Variants in MGST1 observed in about 807,000 individuals in gnomAD.
MGST1 encodes glutathione S-transferase 12.
Under a neutral mutation model 8.9 loss-of-function variants are expected in MGST1, and 5 were observed. The observed-to-expected ratio is 0.56, with a 90% CI of 0.29 to 1.19. The LOEUF is 1.19. MGST1 is among the 50% of genes most tolerant of loss of function. The pLI is 0.08. For missense variants in MGST1, 182 were observed against 187.4 expected (o/e 0.97, Z 0.17); for synonymous variants, 54 against 67.8 (o/e 0.80, Z 1.00).
At chr12:16,551,941 C>A (rs891509294) in intron 4 of MGST1, among the ~76,000 whole-genome samples, 2 of 151,924 alleles carry the variant, frequency 1.3e-5, no homozygotes, top group Non-Finnish European at 2.9e-5. Flanking sequence ...GGCAAGTTCA[C>A]CAACATGAAA....
chr12:16,442,981 A>C (rs927268014), downstream of MGST1, among the ~76,000 whole-genome samples: 1 of 151,834 alleles, frequency 6.6e-6, no homozygotes, highest in African/African-American at 2.4e-5. This position sits in a 1 kb window ranked among gnomAD's most constrained non-coding sequence, Gnocchi z 4.5. Flanking sequence ...TCCAATTGTA[A>C]CTGCATATAT....
At position 16,560,523 on chromosome 12, in the gene MGST1, C is replaced by G. The variant is rs754368865; in HGVS notation, n.483-29005C>G. 6.2e-7 allele frequency: 1 copy of G among 1,611,606 alleles called. No individual in the cohort carries two copies. The highest frequency in any genetic ancestry group is 8.5e-7 in the Non-Finnish European group (1 of 1,179,264). On this transcript the variant is annotated intron_variant and non_coding_transcript_variant, in intron 4 of 4. Coordinates refer to the MGST1 transcript ENST00000538857. This position sits in a 1 kb window ranked among gnomAD's most constrained non-coding sequence, Gnocchi z 5.0. ...GCTTACTACAGGCAGCGCAGTTTCC[C>G]GTTACACCAAAGAGCCTAGAATAAG... is the stretch of plus-strand genomic sequence containing the variant.
intron 3 of MGST1, among the ~76,000 whole-genome samples, chr12:16,375,458 A>G (rs537553920): frequency 6.9e-4 from 105 of 152,294 alleles, no homozygotes; most frequent in African/African-American, 2.5e-3. Flanking sequence ...CAAAGGAACT[A>G]TCCGAAGTGG....
rs36054419 is a variant in MGST1 at position 16,432,679 on chromosome 12, GACACACACACACAC to G, written n.779-4669_779-4656del. Among the ~76,000 whole-genome samples, 1,100 of 124,390 alleles carry G rather than the reference GACACACACACACAC, an allele frequency of 8.8e-3. 5 individuals carry two copies. The highest frequency in any genetic ancestry group is 0.017 in the Middle Eastern group (4 of 238). The allele number at this position is 124,390 out of a possible 152,430, so 81.6% of individuals were successfully genotyped here. A position where few individuals can be genotyped will look rare whatever the true frequency, so the allele number is the denominator to read the frequency against. On this transcript the variant is annotated intron_variant and non_coding_transcript_variant, in intron 1 of 1. Coordinates refer to the MGST1 transcript ENST00000359720. ...TCGCAAATCTCTCCTCTCTCTCTCT[GACACACACACACAC>G]ACACACACACACACACACACACACA...
At chr12:16,453,939 G>A (rs1340591097) in intron 4 of MGST1, among the ~76,000 whole-genome samples, 1 of 151,942 alleles carries the variant, frequency 6.6e-6, no homozygotes, top group Non-Finnish European at 1.5e-5. Context: ...TCTGACATGA[G>A]AGTTAGGACT....
chr12:16,585,323 G>T lies in MGST1; in HGVS notation n.483-4205G>T, dbSNP rs1186030687. Among the ~76,000 whole-genome samples the T allele has an allele frequency of 6.6e-6, 1 of 152,066 alleles. No individual in the cohort carries two copies. Among genetic ancestry groups the T allele is most frequent in the African/African-American group, 2.4e-5 (1 of 41,396 alleles). ...ATTACTGCTTCAAGAAAAAGGATTT[G>T]CATATTTGTGTATATATTTTTAAAA... On this transcript the variant is annotated intron_variant and non_coding_transcript_variant, in intron 4 of 4. Transcript: ENST00000538857. The surrounding 1 kb of genome is among the most constrained non-coding windows in gnomAD (Gnocchi z 4.7).
intron 4 of MGST1, among the ~76,000 whole-genome samples, chr12:16,512,963 T>C (rs1314346683): frequency 1.3e-5 from 2 of 152,190 alleles, no homozygotes; most frequent in African/African-American, 4.8e-5. Flanking sequence ...GAATGGAGTT[T>C]AGTAACTAGA....
intron 4 of MGST1, among the ~76,000 whole-genome samples, chr12:16,456,125 C>A (rs1941170201): frequency 6.6e-6 from 1 of 151,728 alleles, no homozygotes; most frequent in Non-Finnish European, 1.5e-5. Context: ...TCGTGCCCGG[C>A]TCCAGGATGT....
At chr12:16,443,900 A>G (rs1941057972) in intron 4 of MGST1, among the ~76,000 whole-genome samples, 1 of 151,984 alleles carries the variant, frequency 6.6e-6, no homozygotes, top group Non-Finnish European at 1.5e-5. Context: ...CAAATCCATA[A>G]CAAGAAAACT....
intron 4 of MGST1, among the ~76,000 whole-genome samples, chr12:16,475,185 G>T (rs1319295465): frequency 2.6e-5 from 4 of 151,968 alleles, no homozygotes; most frequent in Non-Finnish European, 5.9e-5. Flanking sequence ...CCCTAACAAG[G>T]CCCAGCATAT....
rs568229470 is a variant in MGST1 at position 16,537,109 on chromosome 12, G to A, written n.483-52419G>A. Among the ~76,000 whole-genome samples, 12 of 152,266 alleles carry A rather than the reference G, an allele frequency of 7.9e-5. No individual in the cohort carries two copies. In the South Asian group the frequency reaches 1.0e-3, roughly 13 times the overall value. ...AAGTTAGTTACTTCCTAGATACAACGGGGATACAGGTATTGGGTAAATACA... is the reference window on the plus strand; with the variant it reads ...AAGTTAGTTACTTCCTAGATACAACAGGGATACAGGTATTGGGTAAATACA... On this transcript the variant is annotated intron_variant and non_coding_transcript_variant, in intron 4 of 4. Coordinates refer to the MGST1 transcript ENST00000538857. This position sits in a 1 kb window ranked among gnomAD's most constrained non-coding sequence, Gnocchi z 4.6.
intron 1 of MGST1, among the ~76,000 whole-genome samples, chr12:16,419,621 C>G (rs908269395): frequency 1.3e-5 from 2 of 152,022 alleles, no homozygotes; most frequent in African/African-American, 2.4e-5. Context: ...CAAAGGAGAC[C>G]AAGTCAAGGC....
chr12:16,563,738 G>A (rs765053542), intron 4 of MGST1, among the ~76,000 whole-genome samples: 5 of 152,034 alleles, frequency 3.3e-5, no homozygotes, highest in South Asian at 4.1e-4. Context: ...GTTCTTAGTC[G>A]TACACTGAGA....
chr12:16,376,400 C>T (rs1216162732), exon 4 of MGST1: 5 of 318,150 alleles, frequency 1.6e-5, no homozygotes, highest in Non-Finnish European at 2.9e-5. Context: ...TGACAAAAAT[C>T]TCCACGAATC....
chr12:16,385,546 A>G (rs950737221), intron 1 of MGST1, among the ~76,000 whole-genome samples: 1 of 152,196 alleles, frequency 6.6e-6, no homozygotes, highest in African/African-American at 2.4e-5. Flanking sequence ...GGCTAAATTT[A>G]TACTTATTTT....
chr12:16,444,137 C>T (rs1346032133), intron 4 of MGST1, among the ~76,000 whole-genome samples: 1 of 150,104 alleles, frequency 6.7e-6, no homozygotes, highest in East Asian at 2.0e-4. Context: ...TGGACCAACA[C>T]TGAAGTGGAT....
intron 4 of MGST1, among the ~76,000 whole-genome samples, chr12:16,580,919 A>T (rs1385057576): frequency 6.6e-6 from 1 of 152,230 alleles, no homozygotes; most frequent in African/African-American, 2.4e-5. Context: ...ATGAATAAGT[A>T]TACTGTGTAT....
intron 4 of MGST1, among the ~76,000 whole-genome samples, chr12:16,462,505 G>A (rs983805066): frequency 6.6e-6 from 1 of 151,574 alleles, no homozygotes; most frequent in Admixed American, 6.6e-5. Context: ...TTTTTAGAAT[G>A]TATAAATGCA....
At chr12:16,459,780 T>A (rs1367285394) in intron 4 of MGST1, among the ~76,000 whole-genome samples, 1 of 152,084 alleles carries the variant, frequency 6.6e-6, no homozygotes, top group Non-Finnish European at 1.5e-5. Context: ...TTTGCTCTCA[T>A]GACCTTGATA....
Sources: gnomAD v4.1 joint callset for allele counts (sites outside exome capture counted in the v4.1 genomes callset) on GRCh38, gnomAD v4.1.1 for gene constraint, Gnocchi (gnomAD v3.1) non-coding constraint, MANE v1.5 for transcripts, NCBI Gene and HGNC (gene_info 2026-07-23, HGNC 2026-07-21) for gene names.